The following SETD1A variants were observed in gnomAD, a reference collection of about 807,000 sequenced individuals.
SETD1A encodes SET domain containing 1A, histone lysine methyltransferase, also known as histone-lysine N-methyltransferase SETD1A.
In SETD1A, 29 loss-of-function variants were observed where a neutral mutation model predicts 149.9. The observed-to-expected ratio is 0.19, with a 90% CI of 0.14 to 0.26. The LOEUF (loss-of-function observed/expected upper bound fraction) is 0.26, where lower values mean the gene tolerates loss of function less well. Ranked by LOEUF, SETD1A falls within the 10% of genes least tolerant of loss-of-function variation. The pLI, the probability that SETD1A is intolerant of heterozygous loss-of-function variation, is 1.00. For missense variants in SETD1A, 2,109 were observed against 2,353.1 expected, an observed-to-expected ratio of 0.90 and a Z score of 2.15; for synonymous variants, 1,141 against 968.5, an observed-to-expected ratio of 1.18 and a Z score of -3.31.
intron 4 of SETD1A, among the ~76,000 whole-genome samples, chr16:30,962,256 G>A (rs1416517691): frequency 2.6e-5 from 4 of 151,976 alleles, no homozygotes; most frequent in Non-Finnish European, 4.4e-5. Flanking sequence ...GTAGAGATAG[G>A]GTTTCACCCT....
chr16:30,976,861 TGA>T (rs1432214507), intron 13 of SETD1A, among the ~76,000 whole-genome samples: 1 of 151,790 alleles, frequency 6.6e-6, no homozygotes, highest in African/African-American at 2.4e-5. Flanking sequence ...GTCTGGATAG[TGA>T]GAGGGCACGA....
chr16:30,982,751 G>C (rs1234079805), intron 17 of SETD1A, among the ~76,000 whole-genome samples: 1 of 151,962 alleles, frequency 6.6e-6, no homozygotes, highest in Non-Finnish European at 1.5e-5. Context: ...CAAAGGCAAG[G>C]GTGGCCCGAC....
chr16:30,974,097 T>C (rs1247306900), intron 13 of SETD1A, among the ~76,000 whole-genome samples: 1 of 152,076 alleles, frequency 6.6e-6, no homozygotes, highest in East Asian at 1.9e-4. Flanking sequence ...GCGGTTCTAA[T>C]GTGGCAGAAG....
intron 13 of SETD1A, among the ~76,000 whole-genome samples, chr16:30,975,697 C>T (rs776193011): frequency 1.4e-4 from 21 of 151,974 alleles, no homozygotes; most frequent in Non-Finnish European, 2.5e-4. Context: ...TCCCAAAGTA[C>T]TGGGATTACA....
At chr16:30,977,134 C>G (rs1027499021) in intron 13 of SETD1A, among the ~76,000 whole-genome samples, 1 of 152,154 alleles carries the variant, frequency 6.6e-6, no homozygotes, top group African/African-American at 2.4e-5. Flanking sequence ...TTAGTAGAGA[C>G]GGGATTTCAC....
Position 30,979,312 on chromosome 16 carries a change from G to A in SETD1A, c.3526G>A (p.Val1176Met). 1.2e-6 allele frequency: 2 copies of A among 1,613,686 alleles called. No individual in the cohort carries two copies. ...KTVSFSAIEV[V>M]PAPEPPPATP... ...TGTCTCCTTCTCTGCCATCGAGGTG[G>A]TGCCAGCCCCGGAGCCCCCTCCAGC... The change falls in exon 14 of 19, where the codon GTG becomes ATG. Residue 1176 changes from valine (V) to methionine (M), a missense_variant. Physicochemically the swap from Val to Met is conservative, Grantham distance 21 (BLOSUM62 1). This residue lies in a region of SETD1A where 832 missense variants were observed against 815.6 expected (regional missense o/e 1.02). Coordinates refer to ENST00000262519, the MANE Select transcript of SETD1A (RefSeq NM_014712.3).
At chr16:30,968,968 T>C (rs949026974) in intron 10 of SETD1A, among the ~76,000 whole-genome samples, 2 of 151,786 alleles carry the variant, frequency 1.3e-5, no homozygotes, top group Non-Finnish European at 2.9e-5. Context: ...TAGCTGGGTA[T>C]GATTGCATGC....
rs138958599 is a variant in SETD1A, at chr16:30,972,424, C to T, written c.3358+705C>T. Among the ~76,000 whole-genome samples the T allele has an allele frequency of 6.7e-3, 1,023 of 151,682 alleles. 5 individuals carry two copies. Among genetic ancestry groups the T allele is most frequent in the East Asian group, 0.028 (147 of 5,184 alleles). ...GGCCAAGGCGGGTGGATCATGAGGTCAGGAGATCGAGACCATCCTGGCTAA... is the reference window on the plus strand; with the variant it reads ...GGCCAAGGCGGGTGGATCATGAGGTTAGGAGATCGAGACCATCCTGGCTAA... On this transcript the variant is annotated intron_variant, in intron 13 of 18. Coordinates refer to ENST00000262519, the MANE Select transcript of SETD1A (RefSeq NM_014712.3).
chr16:30,965,543 G>A, intron 7 of SETD1A, 58 bp from the exon 8 acceptor site: 3 of 1,594,486 alleles, frequency 1.9e-6, no homozygotes, highest in Non-Finnish European at 2.6e-6. Context: ...GGAACCAGAT[G>A]AGAAAGTAGG....
chr16:30,963,924 G>A (rs1397592008), intron 5 of SETD1A, among the ~76,000 whole-genome samples, 170 bp from the exon 6 acceptor site: 3 of 151,934 alleles, frequency 2.0e-5, no homozygotes, highest in African/African-American at 4.8e-5. Context: ...CCCGGGAGGC[G>A]GAGCTTGCAG....
At chr16:30,962,660 C>T (rs1285744375) in intron 4 of SETD1A, among the ~76,000 whole-genome samples, 1 of 152,208 alleles carries the variant, frequency 6.6e-6, no homozygotes, top group Non-Finnish European at 1.5e-5. Context: ...AAAAGAAAGC[C>T]AGGGCCGGGC....
intron 13 of SETD1A, among the ~76,000 whole-genome samples, chr16:30,978,552 G>A (rs932042894): frequency 1.3e-5 from 2 of 152,226 alleles, no homozygotes; most frequent in Admixed American, 1.3e-4. Context: ...CTCTAGCAGC[G>A]CTGTCTCCTG....
Position 30,964,636 on chromosome 16 carries a change from C to T in SETD1A, c.894C>T (p.Pro298=). 1.2e-6 allele frequency: 2 copies of T among 1,613,658 alleles called. No homozygotes were observed. The highest frequency in any genetic ancestry group is 1.1e-5 in the South Asian group (1 of 91,072). The change falls in exon 7 of 19, where the codon CCC becomes CCT. Residue 298 remains proline, a synonymous_variant. Coordinates refer to ENST00000262519, the MANE Select transcript of SETD1A (RefSeq NM_014712.3). ...SSSTTSTSFK[P]RRSENSYQDA... ...GCACCACTTCAACCTCCTTCAAGCC[C>T]CGGCGGTCAGAGAACAGCTACCAAG...
chr16:30,959,984 C>G (rs565712019), intron 3 of SETD1A, among the ~76,000 whole-genome samples: 7 of 152,248 alleles, frequency 4.6e-5, no homozygotes, highest in Admixed American at 4.6e-4. Context: ...TTTCCCTCTA[C>G]TCATATGTGG....
At position 30,979,303 on chromosome 16, in the gene SETD1A, A is replaced by T. The variant is rs780075258; in HGVS notation, c.3517A>T (p.Ile1173Phe). ...KRRKTVSFSA[I>F]EVVPAPEPPP... ...CCGGAAAACTGTCTCCTTCTCTGCC[A>T]TCGAGGTGGTGCCAGCCCCGGAGCC... Residue 1173 changes from isoleucine to phenylalanine, a missense_variant, in exon 14 of 19, where the codon ATC (isoleucine) becomes TTC (phenylalanine). Around this residue, in one of 8 missense-constraint regions of SETD1A, gnomAD observed 832 missense variants for 815.6 expected, o/e 1.02. Transcript: ENST00000262519. 8.2e-6 allele frequency: 12 copies of T among 1,462,556 alleles called. No homozygotes were observed. In the Middle Eastern group the frequency reaches 5.7e-4, roughly 69 times the overall value. 90.6% of individuals were successfully genotyped at this position (1,462,556 alleles called of 1,614,324 possible). A position where few individuals can be genotyped will look rare whatever the true frequency, so the allele number is the denominator to read the frequency against.
At position 30,965,663 on chromosome 16, in the gene SETD1A, C is replaced by G. The variant is rs1052215363; in HGVS notation, c.1782C>G (p.Pro594=). The change falls in exon 8 of 19, where the codon CCC becomes CCG. Residue 594 remains proline, a synonymous_variant. Coordinates refer to ENST00000262519, the MANE Select transcript of SETD1A (RefSeq NM_014712.3). Reference sequence around the variant, plus strand: ...CCGACGACGACCGGGGTGGCTCACCCCCTCCGGCCCCGACGCCCCCTCAGC... The same window carrying G: ...CCGACGACGACCGGGGTGGCTCACCGCCTCCGGCCCCGACGCCCCCTCAGC... ...EISDDDRGGS[P]PPAPTPPQQP... The G allele has an allele frequency of 3.7e-6, 6 of 1,611,932 alleles. No homozygotes were observed. In the African/African-American group the frequency reaches 8.0e-5, roughly 22 times the overall value.
At position 30,980,237 on chromosome 16, in the gene SETD1A, C is replaced by T. The variant is rs1266679450; in HGVS notation, c.4408+43C>T. On this transcript the variant is annotated intron_variant, in intron 14 of 18. Transcript: ENST00000262519. This position sits in a 1 kb window ranked among gnomAD's most constrained non-coding sequence, Gnocchi z 7.7. Reference sequence around the variant, plus strand: ...GGCCTTCCCCGGGCTTGGGTCCTCCCCCGACCCCTCCAGGCACCTGCATCT... The same window carrying T: ...GGCCTTCCCCGGGCTTGGGTCCTCCTCCGACCCCTCCAGGCACCTGCATCT... The T allele has an allele frequency of 6.5e-7, 1 of 1,549,154 alleles. No homozygotes were observed. The highest frequency in any genetic ancestry group is 1.2e-5 in the South Asian group (1 of 80,224).
chr16:30,971,603 C>G lies in SETD1A; in HGVS notation c.3242C>G (p.Pro1081Arg). Residue 1081 changes from proline to arginine, a missense_variant, in exon 13 of 19, where the codon CCC (proline) becomes CGC (arginine). This residue lies in a region of SETD1A where 832 missense variants were observed against 815.6 expected (regional missense o/e 1.02). Coordinates refer to ENST00000262519, the MANE Select transcript of SETD1A (RefSeq NM_014712.3). ...PAALPSASPP[P>R]REVPVPTPAP... ...GCCCTTCCCTCAGCCTCCCCGCCCCCCAGAGAAGTCCCAGTGCCCACGCCA... is the reference window on the plus strand; with the variant it reads ...GCCCTTCCCTCAGCCTCCCCGCCCCGCAGAGAAGTCCCAGTGCCCACGCCA... 1 of 1,613,964 alleles carries G rather than the reference C, an allele frequency of 6.2e-7. No homozygotes were observed. The highest frequency in any genetic ancestry group is 8.5e-7 in the Non-Finnish European group (1 of 1,179,994).
rs532298159 is a variant in SETD1A at position 30,981,141 on chromosome 16, C to T, written c.4773C>T (p.Asp1591=). 14 of 1,614,204 alleles carry T rather than the reference C, an allele frequency of 8.7e-6. No individual in the cohort carries two copies. Among genetic ancestry groups the T allele is most frequent in the Admixed American group, 6.7e-5 (4 of 60,022 alleles). ...TTGCCATGGAACCCATTGCTGCTGA[C>T]GAGATGGTCATCGAATACGTGGGTC... ...GLFAMEPIAA[D]EMVIEYVGQN... Residue 1591 remains aspartate, a synonymous_variant, in exon 17 of 19, where the codon GAC becomes GAT. Coordinates refer to ENST00000262519, the MANE Select transcript of SETD1A (RefSeq NM_014712.3).
Sources: allele counts gnomAD v4.1 joint callset (sites outside exome capture counted in the v4.1 genomes callset), GRCh38; gene constraint gnomAD v4.1.1; regional missense constraint gnomAD v4.1.1; non-coding constraint Gnocchi (gnomAD v3.1); transcripts MANE v1.5; gene names NCBI Gene and HGNC (gene_info 2026-07-23, HGNC 2026-07-21).